Variants in IFT140 observed in about 807,000 individuals in gnomAD.
The protein encoded by IFT140 is intraflagellar transport protein 140 homolog.
IFT140 carries 133 observed loss-of-function variants against 164.6 expected under a neutral mutation model. The ratio of observed to expected loss-of-function variants is 0.81; its 90% CI spans 0.70 to 0.93. The LOEUF (loss-of-function observed/expected upper bound fraction) is 0.93, where lower values mean the gene tolerates loss of function less well. Ranked by LOEUF, IFT140 falls within the 40% of genes least tolerant of loss-of-function variation. IFT140 has a pLI of 0.00. For missense variants in IFT140, 2,045 were observed against 1,972.3 expected (o/e 1.04, Z -0.70); for synonymous variants, 860 against 817.3 (o/e 1.05, Z -0.89).
At chr16:1,584,923 T>G (rs779069792) in intron 10 of IFT140, among the ~76,000 whole-genome samples, 3 of 152,116 alleles carry the variant, frequency 2.0e-5, no homozygotes, top group Non-Finnish European at 4.4e-5. Flanking sequence ...AACCCAGACA[T>G]CAGAAACTGC....
intron 19 of IFT140, 82 bp from the exon 20 acceptor site, chr16:1,526,878 G>C: frequency 2.1e-6 from 3 of 1,420,192 alleles, no homozygotes; most frequent in Non-Finnish European, 2.8e-6. Context: ...CCTGGGGCAA[G>C]TAGTCATCAG....
intron 19 of IFT140, chr16:1,534,461 G>A (rs372701754): frequency 4.7e-5 from 76 of 1,610,976 alleles, no homozygotes; most frequent in Admixed American, 1.7e-5. Flanking sequence ...CGAGCCCTGG[G>A]GCCAGAGCCG....
In IFT140 at chr16:1,533,986, C is replaced by T. The variant is rs761624105; in HGVS notation, c.2400-7190G>A. 15 of 465,008 alleles carry T rather than the reference C, an allele frequency of 3.2e-5. No homozygotes were observed. The highest frequency in any genetic ancestry group is 1.3e-4 in the East Asian group (3 of 23,954). 28.8% of individuals were successfully genotyped at this position (465,008 alleles called of 1,614,324 possible). Reference sequence around the variant, plus strand: ...CGGCCTCCGCTTCCCGGGAAGACGGCGCACTCCTGGCCCTGGGTTCTTGCT... The same window carrying T: ...CGGCCTCCGCTTCCCGGGAAGACGGTGCACTCCTGGCCCTGGGTTCTTGCT... On this transcript the variant is annotated intron_variant, in intron 19 of 30. Transcript: ENST00000426508. The surrounding 1 kb of genome is among the most constrained non-coding windows in gnomAD (Gnocchi z 4.7).
chr16:1,547,042 G>A (rs1305414864), intron 19 of IFT140, among the ~76,000 whole-genome samples: 2 of 152,228 alleles, frequency 1.3e-5, no homozygotes, highest in Non-Finnish European at 2.9e-5. Flanking sequence ...GCTGGGCTTA[G>A]CTGGGTTTCC....
At chr16:1,605,869 G>A (rs1354492941) in intron 3 of IFT140, among the ~76,000 whole-genome samples, 2 of 152,154 alleles carry the variant, frequency 1.3e-5, no homozygotes, top group Non-Finnish European at 2.9e-5. Flanking sequence ...TTGGAAACAG[G>A]GTCTTTGCAG....
intron 19 of IFT140, among the ~76,000 whole-genome samples, chr16:1,549,487 C>T (rs1322185419): frequency 3.3e-5 from 5 of 152,142 alleles, no homozygotes; most frequent in Admixed American, 1.3e-4. Context: ...AGGGCAATGG[C>T]GTGCAATCTC....
In IFT140 at chr16:1,562,027, A is replaced by C. The variant is rs1286565932; in HGVS notation, c.2157T>G (p.Ser719Arg). Residue 719 changes from serine to arginine, a missense_variant, in exon 18 of 31, where the codon AGT becomes AGG. Transcript: ENST00000426508. ...ESFPRPATSH[S>R]LLGMEVPYYY... ...AATAAGGCACTTCCATCCCCAGGAG[A>C]CTGTGGGAGGTGGCAGGCCGGGGGA... 2 of 1,611,404 alleles carry C rather than the reference A, an allele frequency of 1.2e-6. No individual in the cohort carries two copies.
chr16:1,534,202 C>G (rs1265637009), intron 19 of IFT140: 4 of 1,569,926 alleles, frequency 2.5e-6, no homozygotes, highest in Non-Finnish European at 3.4e-6. Flanking sequence ...CTAGCAGCGT[C>G]GGCTCTCCCT....
intron 7 of IFT140, 58 bp downstream of exon 7, chr16:1,589,547 C>A: frequency 6.4e-7 from 1 of 1,567,660 alleles, no homozygotes; most frequent in South Asian, 1.1e-5. Context: ...GTCAACGAGG[C>A]CAGAGAGAAC....
rs28714146 is a variant in IFT140, at chr16:1,563,792, A to C, written c.2067+205T>G. Among the ~76,000 whole-genome samples, 36,793 of 151,786 alleles carry C rather than the reference A, an allele frequency of 0.24. 4,757 individuals are homozygous for C. The highest frequency in any genetic ancestry group is 0.33 in the South Asian group (1,609 of 4,810). On this transcript the variant is annotated intron_variant, in intron 17 of 30. Transcript: ENST00000426508. ...AGGAAGATTTTTTTTATTAATTCTTATTATTATTCTTTTTTAGAGACGAGG... is the reference window on the plus strand; with the variant it reads ...AGGAAGATTTTTTTTATTAATTCTTCTTATTATTCTTTTTTAGAGACGAGG...
chr16:1,592,152 A>T (rs2035213173), intron 6 of IFT140, 24 bp downstream of exon 6: 2 of 1,613,724 alleles, frequency 1.2e-6, no homozygotes, highest in Admixed American at 1.7e-5. Context: ...AGGACCCCTG[A>T]GAATCACAAC....
At chr16:1,601,389 C>G (rs1357200285) in intron 4 of IFT140, among the ~76,000 whole-genome samples, 3 of 152,074 alleles carry the variant, frequency 2.0e-5, no homozygotes, top group Non-Finnish European at 2.9e-5. Flanking sequence ...TAAACTGCAT[C>G]TTGGATGTCA....
chr16:1,520,591 G>A lies in IFT140; in HGVS notation c.3660+11C>T. 6.4e-7 allele frequency: 1 copy of A among 1,564,360 alleles called. No homozygotes were observed. Among genetic ancestry groups the A allele is most frequent in the Non-Finnish European group, 8.7e-7 (1 of 1,151,174 alleles). On this transcript the variant is annotated intron_variant, in intron 27 of 30. Transcript: ENST00000426508. ...TGAGGTAGCCGCGGGCTGGGGCCGG[G>A]AGAGGCTCACCTTCAGCTTGTTGCC...
intron 18 of IFT140, 85 bp downstream of exon 18, chr16:1,561,900 T>G: frequency 1.4e-6 from 2 of 1,380,610 alleles, no homozygotes; most frequent in South Asian, 3.5e-5. Flanking sequence ...TAACTCACAT[T>G]TCAGCTCCCT....
intron 19 of IFT140, chr16:1,552,937 A>G (rs2281234): frequency 0.33 from 324,823 of 981,186 alleles, 57,764 homozygotes; most frequent in African/African-American, 0.63. Context: ...ATAGGCGTAA[A>G]CCACTGTGCC....
intron 11 of IFT140, 113 bp from the exon 12 acceptor site, chr16:1,583,499 C>T (rs2141804253): frequency 1.3e-6 from 1 of 774,022 alleles, no homozygotes; most frequent in South Asian, 1.7e-5. Context: ...ACTGCTGCTC[C>T]ATCATCCTAC....
At chr16:1,605,421 T>G (rs1219688620) in intron 3 of IFT140, among the ~76,000 whole-genome samples, 1 of 152,096 alleles carries the variant, frequency 6.6e-6, no homozygotes, top group Non-Finnish European at 1.5e-5. Flanking sequence ...ATTTATATTT[T>G]TTGAGATGGA....
rs1424099914 is a variant in IFT140, at chr16:1,580,782, G to T, written c.1501C>A (p.Arg501=). 3 of 1,613,762 alleles carry T rather than the reference G, an allele frequency of 1.9e-6. No individual in the cohort carries two copies. In the Admixed American group the frequency reaches 5.0e-5, roughly 27 times the overall value. The change falls in exon 13 of 31, where the codon CGA becomes AGA. Residue 501 remains arginine, a synonymous_variant. Coordinates refer to ENST00000426508, the MANE Select transcript of IFT140 (RefSeq NM_014714.4). ...EENVYTVESN[R]VQVRTWQGTV... is the part of the protein sequence containing the mutation. ...ACCTGCCAGGTTCGAACTTGAACTC[G>T]GTTTGACTCCACCGTGTAAACGTTT...
At chr16:1,582,228 G>A (rs1265336634) in intron 12 of IFT140, among the ~76,000 whole-genome samples, 2 of 152,162 alleles carry the variant, frequency 1.3e-5, no homozygotes, top group Non-Finnish European at 2.9e-5. Context: ...AAGGTCTTGG[G>A]ATGGGGAGAT....
Sources: gnomAD v4.1 joint callset for allele counts (sites outside exome capture counted in the v4.1 genomes callset) on GRCh38, gnomAD v4.1.1 for gene constraint, Gnocchi (gnomAD v3.1) non-coding constraint, MANE v1.5 for transcripts, NCBI Gene and HGNC (gene_info 2026-07-23, HGNC 2026-07-21) for gene names.